Variants in ELL observed in about 807,000 individuals in gnomAD.
ELL encodes elongation factor for RNA polymerase II.
A neutral mutation model predicts 64.0 loss-of-function variants in ELL; 18 were observed. The observed-to-expected ratio is 0.28, with a 90% CI of 0.19 to 0.42. The LOEUF is 0.42. Among genes scored for constraint, ELL ranks in the 10% least tolerant of loss-of-function variants. The pLI is 1.00. For missense variants in ELL, 797 were observed against 870.4 expected, an observed-to-expected ratio of 0.92 and a Z score of 1.06; for synonymous variants, 399 against 376.2, an observed-to-expected ratio of 1.06 and a Z score of -0.70.
intron 1 of ELL, among the ~76,000 whole-genome samples, chr19:18,476,566 T>C (rs1975181760): frequency 6.7e-6 from 1 of 149,576 alleles, no homozygotes; most frequent in Admixed American, 6.7e-5. Flanking sequence ...GTGGGTCACC[T>C]TCAAGACTCC....
rs1974339703 is a variant in ELL, at chr19:18,443,564, GC to G, written c.*1187del. 1 of 233,334 alleles carries G rather than the reference GC, an allele frequency of 4.3e-6. No individual in the cohort carries two copies. The highest frequency in any genetic ancestry group is 2.2e-5 in the African/African-American group (1 of 45,322). 14.5% of individuals were successfully genotyped at this position (233,334 alleles called of 1,614,324 possible). A position where few individuals can be genotyped will look rare whatever the true frequency, so the allele number is the denominator to read the frequency against. Reference sequence around the variant, plus strand: ...GAACACACGCCTCAGACCCCACCATGCCCTGGGGGGTCCCCACATACGCACA... The same window carrying G: ...GAACACACGCCTCAGACCCCACCATGCCTGGGGGGTCCCCACATACGCACA... On this transcript the variant is annotated 3_prime_UTR_variant, in exon 12 of 12. Transcript: ENST00000262809.
At chr19:18,483,979 T>C (rs1975359848) in intron 1 of ELL, among the ~76,000 whole-genome samples, 1 of 152,202 alleles carries the variant, frequency 6.6e-6, no homozygotes, top group Non-Finnish European at 1.5e-5. Flanking sequence ...CCTTTCCCCC[T>C]TATTATTCCA....
chr19:18,504,265 G>C (rs1321097823), intron 1 of ELL, among the ~76,000 whole-genome samples: 1 of 152,174 alleles, frequency 6.6e-6, no homozygotes, highest in African/African-American at 2.4e-5. Context: ...TCTACCTAAG[G>C]GTGTGCTCAC....
intron 1 of ELL, among the ~76,000 whole-genome samples, chr19:18,487,453 A>G (rs1334086213): frequency 1.3e-5 from 2 of 152,244 alleles, no homozygotes; most frequent in African/African-American, 4.8e-5. Context: ...ATGCGCACAG[A>G]TCCCTGAATG....
At chr19:18,465,330 C>T in intron 4 of ELL, 82 bp downstream of exon 4, 2 of 1,500,422 alleles carry the variant, frequency 1.3e-6, no homozygotes, top group Non-Finnish European at 1.8e-6. Context: ...ACAGCCAGTG[C>T]CCAGCCTGGA....
chr19:18,444,907 C>A, intron 11 of ELL, 39 bp from the exon 12 acceptor site: 2 of 1,580,362 alleles, frequency 1.3e-6, no homozygotes, highest in Non-Finnish European at 1.7e-6. Flanking sequence ...CAGAGCCGCC[C>A]TGGGTGCTGC....
intron 1 of ELL, among the ~76,000 whole-genome samples, chr19:18,513,388 G>A (rs977470456): frequency 6.6e-6 from 1 of 152,164 alleles, no homozygotes; most frequent in Non-Finnish European, 1.5e-5. Flanking sequence ...CAGGCTCCAC[G>A]ATGCACAGAA....
chr19:18,452,508 C>T (rs760204085), intron 6 of ELL, among the ~76,000 whole-genome samples: 9 of 152,232 alleles, frequency 5.9e-5, no homozygotes, highest in Non-Finnish European at 1.3e-4. Context: ...AAGGCAGAGA[C>T]AAAAGGAGGA....
intron 1 of ELL, among the ~76,000 whole-genome samples, chr19:18,488,461 AGGG>A (rs1346122153): frequency 6.6e-6 from 1 of 152,210 alleles, no homozygotes; most frequent in Non-Finnish European, 1.5e-5. Context: ...GGGCTGGCCC[AGGG>A]CAAGTCCCCA....
intron 1 of ELL, among the ~76,000 whole-genome samples, chr19:18,507,196 C>T (rs889297218): frequency 1.3e-5 from 2 of 152,240 alleles, no homozygotes; most frequent in African/African-American, 2.4e-5. Flanking sequence ...GGAAGGAACA[C>T]GCTCTTCTAG....
chr19:18,445,447 G>A (rs1974391772), intron 10 of ELL, 179 bp from the exon 11 acceptor site: 4 of 628,996 alleles, frequency 6.4e-6, no homozygotes, highest in South Asian at 3.4e-5. Context: ...GGTGGGGCAT[G>A]AGGGAAAGGC....
In ELL at chr19:18,442,769, G is replaced by A. The variant is rs1258114850; in HGVS notation, c.*1983C>T. 6.0e-6 allele frequency: 1 copy of A among 167,066 alleles called. No homozygotes were observed. The highest frequency in any genetic ancestry group is 1.1e-5 in the Non-Finnish European group (1 of 92,138). 10.3% of individuals were successfully genotyped at this position (167,066 alleles called of 1,614,324 possible). The stretch of plus-strand genomic sequence containing the variant: ...AAGAAAATATCAGGAAACTGAAGAC[G>A]CAGATAGATGCCTTTCAATTGTAAC... On this transcript the variant is annotated 3_prime_UTR_variant, in exon 12 of 12. Coordinates refer to ENST00000262809, the MANE Select transcript of ELL (RefSeq NM_006532.4).
At chr19:18,445,736 G>A (rs920821180) in intron 10 of ELL, among the ~76,000 whole-genome samples, 3 of 152,114 alleles carry the variant, frequency 2.0e-5, no homozygotes, top group African/African-American at 4.8e-5. Flanking sequence ...CACCAGTTCC[G>A]AAAGGTGGCA....
rs919189523 is a variant in ELL, at chr19:18,474,004, G to A, written c.136-1122C>T. 8.5e-5 allele frequency among the ~76,000 whole-genome samples: 13 copies of A among 152,344 alleles called. No individual in the cohort carries two copies. The East Asian group carries it at 2.3e-3, about 27-fold the overall frequency. On this transcript the variant is annotated intron_variant, in intron 1 of 11. Transcript: ENST00000262809. ...CTACTTGAGTCTGGAGAGGCCTGTC[G>A]GAAGACCCGGGGTAAGCGGAGCAGC...
rs762144656 is a variant in ELL, at chr19:18,461,569, G to A, written c.744+9C>T. The A allele has an allele frequency of 2.1e-5, 34 of 1,590,852 alleles. No individual in the cohort carries two copies. Among genetic ancestry groups the A allele is most frequent in the Admixed American group, 3.4e-5 (2 of 59,698 alleles). Reference sequence around the variant, plus strand: ...ACTGGTAAAGACAAGACATCGGGGCGGCACCCACCTGCTGGAGGAGGCCAT... The same window carrying A: ...ACTGGTAAAGACAAGACATCGGGGCAGCACCCACCTGCTGGAGGAGGCCAT... On this transcript the variant is annotated intron_variant, in intron 5 of 11. Coordinates refer to ENST00000262809, the MANE Select transcript of ELL (RefSeq NM_006532.4).
At chr19:18,495,924 A>G (rs1427080986) in intron 1 of ELL, among the ~76,000 whole-genome samples, 2 of 152,190 alleles carry the variant, frequency 1.3e-5, no homozygotes, top group South Asian at 4.1e-4. Flanking sequence ...GCTGAGGAGC[A>G]GGCTCCCGCC....
At chr19:18,484,170 C>T (rs560969636) in intron 1 of ELL, among the ~76,000 whole-genome samples, 1 of 152,322 alleles carries the variant, frequency 6.6e-6, no homozygotes, top group South Asian at 2.1e-4. Flanking sequence ...GCACAGAATC[C>T]CGTTTGGCAG....
chr19:18,486,208 G>C (rs1279460015), intron 1 of ELL, among the ~76,000 whole-genome samples: 1 of 152,146 alleles, frequency 6.6e-6, no homozygotes, highest in Admixed American at 6.5e-5. Flanking sequence ...AGGAATCTGG[G>C]GAGGGGCTTC....
At chr19:18,520,376 C>T (rs1976237598) in intron 1 of ELL, among the ~76,000 whole-genome samples, 1 of 152,184 alleles carries the variant, frequency 6.6e-6, no homozygotes, top group African/African-American at 2.4e-5. Context: ...TCTGGCTGGT[C>T]ATGGGCCAGC....
Sources: allele counts gnomAD v4.1 joint callset (sites outside exome capture counted in the v4.1 genomes callset), GRCh38; gene constraint gnomAD v4.1.1; transcripts MANE v1.5; gene names NCBI Gene and HGNC (gene_info 2026-07-23, HGNC 2026-07-21).